YTHDC2: variants seen among roughly 807,000 people sequenced by gnomAD.
YTHDC2 encodes YTH N6-methyladenosine RNA binding protein C2.
Under a neutral mutation model 174.9 loss-of-function variants are expected in YTHDC2, and 45 were observed. That is an observed-to-expected ratio of 0.26 (90% confidence interval 0.20 to 0.33). The LOEUF (loss-of-function observed/expected upper bound fraction) is 0.33, where lower values mean the gene tolerates loss of function less well. Among genes scored for constraint, YTHDC2 ranks in the 10% least tolerant of loss-of-function variants. The pLI is 1.00. For synonymous variants in YTHDC2, 657 were observed against 574.5 expected, an observed-to-expected ratio of 1.14 and a Z score of -2.05; for missense variants, 1,650 against 1,723.7, an observed-to-expected ratio of 0.96 and a Z score of 0.76.
At chr5:113,515,483 A>G in intron 2 of YTHDC2, 121 bp downstream of exon 2, 2 of 795,578 alleles carry the variant, frequency 2.5e-6, no homozygotes, top group Non-Finnish European at 4.0e-6. Flanking sequence ...TAATTGTATC[A>G]TATGTAGATA....
rs745351334 is a variant in YTHDC2 at position 113,513,996 on chromosome 5, A to G, written c.101A>G (p.Lys34Arg). The G allele has an allele frequency of 1.1e-5, 18 of 1,606,730 alleles. No individual in the cohort carries two copies. Among genetic ancestry groups the G allele is most frequent in the Admixed American group, 5.1e-5 (3 of 58,558 alleles). The change falls in exon 1 of 30, where the codon AAG becomes AGG. Residue 34 changes from lysine to arginine, a missense_variant. By Grantham distance (26) the Lys-to-Arg change is conservative (BLOSUM62 2). Transcript: ENST00000161863. ...GGCCCTGGGGGCGGCGGCCGGGCCA[A>G]GGGGCTGAAGGACATTCGCATTGAT... ...PCGPGGGGRAKGLKDIRIDEE... is the reference protein window; with the variant it reads ...PCGPGGGGRARGLKDIRIDEE...
intron 2 of YTHDC2, among the ~76,000 whole-genome samples, chr5:113,522,075 A>C (rs879887614): frequency 4.6e-5 from 7 of 151,770 alleles, no homozygotes; most frequent in Non-Finnish European, 1.0e-4. Flanking sequence ...TGGAAATATA[A>C]ATTAAGGGAA....
chr5:113,534,266 C>T (rs377342698), intron 5 of YTHDC2, 39 bp from the exon 6 acceptor site: 2 of 1,512,924 alleles, frequency 1.3e-6, no homozygotes, highest in Admixed American at 1.7e-5. Context: ...ACATGAAAAA[C>T]TTGCAATTGT....
At chr5:113,532,652 C>G (rs1401348153) in intron 4 of YTHDC2, among the ~76,000 whole-genome samples, 1 of 151,986 alleles carries the variant, frequency 6.6e-6, no homozygotes, top group Admixed American at 6.5e-5. Context: ...TTAAATATTC[C>G]TGGATATATT....
chr5:113,537,896 A>G (rs1174346649), intron 7 of YTHDC2, among the ~76,000 whole-genome samples: 1 of 152,122 alleles, frequency 6.6e-6, no homozygotes, highest in African/African-American at 2.4e-5. Context: ...ACTCCTTGTA[A>G]TAATCTTGGG....
At chr5:113,518,871 T>C (rs1351959387) in intron 2 of YTHDC2, among the ~76,000 whole-genome samples, 1 of 152,116 alleles carries the variant, frequency 6.6e-6, no homozygotes, top group Non-Finnish European at 1.5e-5. Context: ...TAATTGAATT[T>C]TACCTGCTTT....
At chr5:113,539,730 G>C (rs1402052123) in intron 8 of YTHDC2, among the ~76,000 whole-genome samples, 2 of 151,970 alleles carry the variant, frequency 1.3e-5, no homozygotes, top group South Asian at 2.1e-4. Flanking sequence ...AGAAGACTTG[G>C]CTTCAAGCTT....
intron 18 of YTHDC2, among the ~76,000 whole-genome samples, chr5:113,562,324 C>A (rs1199841031): frequency 2.1e-5 from 3 of 145,770 alleles, no homozygotes; most frequent in African/African-American, 7.7e-5. Context: ...AACAGCCAGA[C>A]CCTATAGCTT....
At chr5:113,526,256 A>C (rs1774230064) in intron 3 of YTHDC2, among the ~76,000 whole-genome samples, 1 of 152,050 alleles carries the variant, frequency 6.6e-6, no homozygotes, top group Admixed American at 6.6e-5. Flanking sequence ...TAGATTATCA[A>C]GATTGTTTTA....
chr5:113,514,765 A>G (rs1422288292), intron 1 of YTHDC2, among the ~76,000 whole-genome samples: 1 of 151,932 alleles, frequency 6.6e-6, no homozygotes, highest in Non-Finnish European at 1.5e-5. Context: ...AAAAAAGAGA[A>G]AGCCTCAGCA....
intron 3 of YTHDC2, 43 bp from the exon 4 acceptor site, chr5:113,526,543 C>T (rs768219065): frequency 1.4e-5 from 21 of 1,467,050 alleles, no homozygotes; most frequent in Admixed American, 9.0e-5. Context: ...CTTCTTTTTC[C>T]GTGTTGATCA....
intron 3 of YTHDC2, 54 bp from the exon 4 acceptor site, chr5:113,526,532 A>T: frequency 1.4e-6 from 2 of 1,428,696 alleles, no homozygotes; most frequent in Non-Finnish European, 1.9e-6. Context: ...TATTTTTAAC[A>T]CTTCTTTTTC....
Position 113,553,982 on chromosome 5 carries a change from A to G in YTHDC2, c.2093A>G (p.Asn698Ser), listed in dbSNP as rs142912410. Residue 698 changes from asparagine (N) to serine (S), a missense_variant, in exon 16 of 30, where the codon AAT becomes AGT. Around this residue, in one of 5 missense-constraint regions of YTHDC2, gnomAD observed 913 missense variants for 940.4 expected, o/e 0.97. Coordinates refer to ENST00000161863, the MANE Select transcript of YTHDC2 (RefSeq NM_022828.5). ...ATTGCTGAAACCAGCATCACAGTCA[A>G]TGATGTTGTCTTTGTTATTGATTCT... is the stretch of plus-strand genomic sequence containing the variant. ...TNIAETSITV[N>S]DVVFVIDSGK... 9.5e-6 allele frequency: 15 copies of G among 1,582,620 alleles called. No homozygotes were observed. The East Asian group carries it at 1.1e-4, about 12-fold the overall frequency.
intron 2 of YTHDC2, among the ~76,000 whole-genome samples, chr5:113,522,779 A>G (rs1020101946): frequency 6.6e-6 from 1 of 152,172 alleles, no homozygotes; most frequent in African/African-American, 2.4e-5. Context: ...AATTTCATTA[A>G]TCCTTTTATG....
chr5:113,523,884 TTGA>T (rs1425039749), intron 2 of YTHDC2, among the ~76,000 whole-genome samples: 4 of 151,252 alleles, frequency 2.6e-5, no homozygotes, highest in African/African-American at 4.9e-5. Context: ...TATGGCTCTG[TTGA>T]TTATTTCTAT....
chr5:113,544,085 T>C (rs1775675823), intron 10 of YTHDC2, among the ~76,000 whole-genome samples: 1 of 152,242 alleles, frequency 6.6e-6, no homozygotes. Context: ...GTTTTACTTA[T>C]CTCTGTGTCA....
chr5:113,554,139 G>C, intron 16 of YTHDC2, 117 bp downstream of exon 16: 1 of 907,524 alleles, frequency 1.1e-6, no homozygotes, highest in Non-Finnish European at 1.5e-6. Flanking sequence ...ACTCAAGACA[G>C]CTTGGACCAG....
In YTHDC2 at chr5:113,565,960, C is replaced by G; in HGVS notation, c.2783C>G (p.Ala928Gly). 6.2e-7 allele frequency: 1 copy of G among 1,613,504 alleles called. No individual in the cohort carries two copies. The highest frequency in any genetic ancestry group is 8.5e-7 in the Non-Finnish European group (1 of 1,179,694). Residue 928 changes from alanine (A) to glycine (G), a missense_variant, in exon 21 of 30, where the codon GCT becomes GGT. Coordinates refer to ENST00000161863, the MANE Select transcript of YTHDC2 (RefSeq NM_022828.5). ...TGTGAAAAGAATTTTCTTTCACAGGCTACTATGGAAATAATCATAGGCATG... is the reference window on the plus strand; with the variant it reads ...TGTGAAAAGAATTTTCTTTCACAGGGTACTATGGAAATAATCATAGGCATG... ...AFCEKNFLSQ[A>G]TMEIIIGMRT...
At chr5:113,544,917 T>C (rs1177776743) in intron 10 of YTHDC2, among the ~76,000 whole-genome samples, 1 of 152,180 alleles carries the variant, frequency 6.6e-6, no homozygotes, top group African/African-American at 2.4e-5. Context: ...CATTGTCATA[T>C]TGATTCATAT....
Sources: allele counts gnomAD v4.1 joint callset (sites outside exome capture counted in the v4.1 genomes callset), GRCh38; gene constraint gnomAD v4.1.1; regional missense constraint gnomAD v4.1.1; transcripts MANE v1.5; gene names NCBI Gene and HGNC (gene_info 2026-07-23, HGNC 2026-07-21).